Variants in ADAMTSL1 observed in about 807,000 individuals in gnomAD.
The protein encoded by ADAMTSL1 is ADAMTS-like protein 1.
ADAMTSL1 carries 126 observed loss-of-function variants against 201.8 expected under a neutral mutation model. The ratio of observed to expected loss-of-function variants is 0.62; its 90% confidence interval spans 0.54 to 0.72. The LOEUF is 0.72. Ranked by LOEUF, ADAMTSL1 falls within the 30% of genes least tolerant of loss-of-function variation. ADAMTSL1 has a pLI of 0.00. For missense variants in ADAMTSL1, 2,679 were observed against 2,277.8 expected (o/e 1.18, Z -3.59); for synonymous variants, 1,121 against 903.4 (o/e 1.24, Z -4.32).
intron 2 of ADAMTSL1, among the ~76,000 whole-genome samples, chr9:18,175,259 A>C (rs916962102): frequency 5.3e-5 from 8 of 152,138 alleles, no homozygotes; most frequent in Non-Finnish European, 8.8e-5. Context: ...TTGTGTTTCA[A>C]ATTTGATATT....
In ADAMTSL1 at chr9:18,706,960, T is replaced by C; in HGVS notation, c.1788T>C (p.Asp596=). 2 of 1,613,974 alleles carry C rather than the reference T, an allele frequency of 1.2e-6. No individual in the cohort carries two copies. The highest frequency in any genetic ancestry group is 1.7e-6 in the Non-Finnish European group (2 of 1,179,888). ...EIPEFNPDET[D]GLFGGLQDFD... is the part of the protein sequence containing the mutation. ...CTGAGTTCAACCCAGACGAGACAGA[T>C]GGGCTCTTTGGTGGCCTGCAGGATT... The change falls in exon 14 of 29, where the codon GAT becomes GAC. Residue 596 remains aspartate, a synonymous_variant. Transcript: ENST00000380548.
intron 2 of ADAMTSL1, among the ~76,000 whole-genome samples, chr9:18,244,351 A>C (rs1022126936): frequency 3.3e-5 from 5 of 152,090 alleles, no homozygotes; most frequent in Non-Finnish European, 5.9e-5. Flanking sequence ...TTCTTCTGAA[A>C]GCACAGTTCT....
intron 23 of ADAMTSL1, among the ~76,000 whole-genome samples, chr9:18,887,157 C>G (rs1445120023): frequency 6.6e-6 from 1 of 152,224 alleles, no homozygotes; most frequent in Non-Finnish European, 1.5e-5. Flanking sequence ...CTCACAACTG[C>G]AACCTGTTTA....
chr9:18,560,637 G>C (rs908837521), intron 3 of ADAMTSL1, among the ~76,000 whole-genome samples: 27 of 150,966 alleles, frequency 1.8e-4, no homozygotes, highest in African/African-American at 6.1e-4. Context: ...TCTGGTCCTG[G>C]GTTTTTTTTT....
rs796555818 is a variant in ADAMTSL1 at position 18,354,454 on chromosome 9, G to A, written c.208-150375G>A. On this transcript the variant is annotated intron_variant, in intron 2 of 29. Coordinates refer to the ADAMTSL1 transcript ENST00000680146. ...TGTAATTCATAAACTTTGCTGTTAC[G>A]TTGGATGTCACTTCTTTTTATTTGA... Among the ~76,000 whole-genome samples the A allele has an allele frequency of 9.1e-4, 139 of 152,194 alleles. 1 individual carries two copies. Among genetic ancestry groups the A allele is most frequent in the African/African-American group, 2.7e-3 (114 of 41,542 alleles).
intron 1 of ADAMTSL1, among the ~76,000 whole-genome samples, chr9:17,967,281 G>A (rs183806451): frequency 2.6e-5 from 4 of 152,016 alleles, no homozygotes; most frequent in Admixed American, 2.6e-4. Flanking sequence ...TTATTTTCTG[G>A]CAACTTATAG....
chr9:18,047,574 C>A (rs1158016937), intron 1 of ADAMTSL1, among the ~76,000 whole-genome samples: 1 of 151,970 alleles, frequency 6.6e-6, no homozygotes, highest in Non-Finnish European at 1.5e-5. Flanking sequence ...AAACTTAGAC[C>A]TCTAAAGAGG....
chr9:18,180,822 C>A (rs559961863), intron 2 of ADAMTSL1, among the ~76,000 whole-genome samples: 27 of 152,244 alleles, frequency 1.8e-4, no homozygotes, highest in Non-Finnish European at 2.2e-4. Context: ...GAGCCCGCAT[C>A]GCCAAGTCAA....
Position 18,130,877 on chromosome 9 carries a change from A to T in ADAMTSL1, c.88-32985A>T, listed in dbSNP as rs535442112. On this transcript the variant is annotated intron_variant, in intron 1 of 29. Transcript: ENST00000680146. ...AGTCCACCAGTGGTTTGGCAGCTTAAGTATCCATCATCAACTTTTCTGGAC... is the reference window on the plus strand; with the variant it reads ...AGTCCACCAGTGGTTTGGCAGCTTATGTATCCATCATCAACTTTTCTGGAC... Among the ~76,000 whole-genome samples, 27 of 152,282 alleles carry T rather than the reference A, an allele frequency of 1.8e-4. No homozygotes were observed. In the South Asian group the frequency reaches 2.3e-3, roughly 13 times the overall value.
chr9:18,081,229 T>C, intron 1 of ADAMTSL1, among the ~76,000 whole-genome samples: 1 of 152,210 alleles, frequency 6.6e-6, no homozygotes, highest in African/African-American at 2.4e-5. Flanking sequence ...CTTTTAGTTC[T>C]GAAGATTGTA....
At chr9:18,897,442 G>A (rs1829715697) in intron 26 of ADAMTSL1, among the ~76,000 whole-genome samples, 1 of 152,146 alleles carries the variant, frequency 6.6e-6, no homozygotes, top group Non-Finnish European at 1.5e-5. Context: ...GGGGTCTCCA[G>A]ACACCTCCTA....
intron 1 of ADAMTSL1, among the ~76,000 whole-genome samples, chr9:18,074,554 CTCTTT>C (rs1288071765): frequency 3.3e-5 from 3 of 90,240 alleles, no homozygotes; most frequent in Non-Finnish European, 6.9e-5. Context: ...CTTTTCTCTT[CTCTTT>C]TCTTTTTTTT....
At chr9:18,852,991 G>A (rs1355934838) in intron 23 of ADAMTSL1, among the ~76,000 whole-genome samples, 2 of 152,178 alleles carry the variant, frequency 1.3e-5, no homozygotes, top group African/African-American at 2.4e-5. Context: ...CTAGCCAGGA[G>A]CAGTTTCCTT....
chr9:18,230,014 T>C (rs545666669), intron 2 of ADAMTSL1, among the ~76,000 whole-genome samples: 1 of 152,252 alleles, frequency 6.6e-6, no homozygotes, highest in East Asian at 1.9e-4. Context: ...CAAAATTTAT[T>C]GACCAATATT....
intron 13 of ADAMTSL1, among the ~76,000 whole-genome samples, chr9:18,695,592 G>T (rs1231351869): frequency 6.6e-6 from 1 of 152,118 alleles, no homozygotes; most frequent in Non-Finnish European, 1.5e-5. Context: ...AAGGTTCAAG[G>T]TTCCACAGTG....
intron 1 of ADAMTSL1, among the ~76,000 whole-genome samples, chr9:18,480,241 A>T (rs1406278428): frequency 6.6e-6 from 1 of 152,176 alleles, no homozygotes; most frequent in African/African-American, 2.4e-5. Flanking sequence ...GATAAACTGT[A>T]TTTGCCAGCC....
chr9:18,451,845 C>T (rs568552374), intron 2 of ADAMTSL1, among the ~76,000 whole-genome samples: 28 of 152,332 alleles, frequency 1.8e-4, no homozygotes, highest in Non-Finnish European at 3.8e-4. Flanking sequence ...GGCAAGGGCC[C>T]TCATGTTGCA....
intron 24 of ADAMTSL1, among the ~76,000 whole-genome samples, chr9:18,888,890 A>G (rs963065635): frequency 1.3e-5 from 2 of 152,226 alleles, no homozygotes; most frequent in Non-Finnish European, 2.9e-5. Context: ...ATGTTTTCAG[A>G]CAAGAAAACA....
chr9:17,966,651 C>A (rs552915081), intron 1 of ADAMTSL1, among the ~76,000 whole-genome samples: 1 of 152,134 alleles, frequency 6.6e-6, no homozygotes, highest in Non-Finnish European at 1.5e-5. Flanking sequence ...TCCCCTTCAT[C>A]TCTTTATTTC....
Sources: allele counts gnomAD v4.1 joint callset (sites outside exome capture counted in the v4.1 genomes callset), GRCh38; gene constraint gnomAD v4.1.1; transcripts MANE v1.5; gene names NCBI Gene and HGNC (gene_info 2026-07-23, HGNC 2026-07-21).